Variants in ITCH observed in about 807,000 individuals in gnomAD.
The protein encoded by ITCH is E3 ubiquitin-protein ligase Itchy homolog.
A neutral mutation model predicts 126.8 loss-of-function variants in ITCH; 28 were observed. That is an observed-to-expected ratio of 0.22 (90% CI 0.16 to 0.30). The LOEUF (loss-of-function observed/expected upper bound fraction) is 0.30, where lower values mean the gene tolerates loss of function less well. Ranked by LOEUF, ITCH falls within the 10% of genes least tolerant of loss-of-function variation. The probability of loss-of-function intolerance (pLI) is 1.00; values close to 1 mark genes in which losing one functional copy is unlikely to be tolerated. For synonymous variants in ITCH, 342 were observed against 340.0 expected, an observed-to-expected ratio of 1.01 and a Z score of -0.06; for missense variants, 631 against 1,032.4, an observed-to-expected ratio of 0.61 and a Z score of 5.33.
intron 2 of ITCH, among the ~76,000 whole-genome samples, chr20:34,383,557 G>A (rs1315931529): frequency 6.6e-6 from 1 of 151,568 alleles, no homozygotes; most frequent in African/African-American, 2.4e-5. Context: ...GTAGAGACAG[G>A]GTTTCTCCAT....
chr20:34,486,665 T>TTTTATTTATTTA lies in ITCH; in HGVS notation c.2094-2590_2094-2579dup, dbSNP rs71194610. The stretch of plus-strand genomic sequence containing the variant: ...GTTGTGTTTTTCACTATTTTATTTA[T>TTTTATTTATTTA]TTTATTTATTTATTTATTTATTATG... On this transcript the variant is annotated intron_variant, in intron 20 of 24. Coordinates refer to ENST00000374864, the MANE Select transcript of ITCH (RefSeq NM_031483.7). Among the ~76,000 whole-genome samples the TTTTATTTATTTA allele has an allele frequency of 2.2e-3, 325 of 149,206 alleles. 2 individuals are homozygous for TTTTATTTATTTA. The highest frequency in any genetic ancestry group is 7.1e-3 in the African/African-American group (291 of 40,960).
chr20:34,370,663 CAAA>C (rs113103425), intron 2 of ITCH, among the ~76,000 whole-genome samples: 1 of 129,402 alleles, frequency 7.7e-6, no homozygotes. Flanking sequence ...GAGTCTGTCT[CAAA>C]AAAAAAAAAA....
intron 2 of ITCH, among the ~76,000 whole-genome samples, chr20:34,387,112 G>A (rs2038310875): frequency 6.6e-6 from 1 of 151,834 alleles, no homozygotes; most frequent in African/African-American, 2.4e-5. Flanking sequence ...AGACCAGCCT[G>A]GCCAACATGG....
chr20:34,474,626 T>C (rs1418149823), intron 16 of ITCH, among the ~76,000 whole-genome samples: 5 of 152,230 alleles, frequency 3.3e-5, no homozygotes. Flanking sequence ...CCCCGCTTTC[T>C]ATTCCACAAA....
chr20:34,370,232 C>G (rs2037569995), intron 2 of ITCH, among the ~76,000 whole-genome samples: 1 of 152,096 alleles, frequency 6.6e-6, no homozygotes, highest in South Asian at 2.1e-4. Flanking sequence ...GTTATTTAAT[C>G]TTGCCAGACC....
At chr20:34,465,171 A>G (rs983077200) in intron 14 of ITCH, among the ~76,000 whole-genome samples, 3 of 152,192 alleles carry the variant, frequency 2.0e-5, no homozygotes, top group African/African-American at 7.2e-5. Context: ...TCCCCATTGC[A>G]TGACTGTGGC....
At chr20:34,437,809 C>G (rs1568939884) in intron 7 of ITCH, among the ~76,000 whole-genome samples, 1 of 152,154 alleles carries the variant, frequency 6.6e-6, no homozygotes, top group Non-Finnish European at 1.5e-5. Context: ...CTATATTTAG[C>G]CAACAGTAGC....
intron 4 of ITCH, among the ~76,000 whole-genome samples, chr20:34,410,001 A>C (rs954732154): frequency 1.3e-5 from 2 of 151,642 alleles, no homozygotes; most frequent in African/African-American, 4.8e-5. Context: ...GTGAATTGCT[A>C]CTGAACTCTA....
At position 34,449,271 on chromosome 20, in the gene ITCH, C is replaced by G. The variant is rs191183916; in HGVS notation, c.1141-140C>G. ...CAAACCAAAGTATATTGGCATTTAT[C>G]CATAACCATGTGACACTTCTTTAAG... is the stretch of plus-strand genomic sequence containing the variant. On this transcript the variant is annotated intron_variant, in intron 11 of 24. Coordinates refer to ENST00000374864, the MANE Select transcript of ITCH (RefSeq NM_031483.7). 8.2e-5 allele frequency: 49 copies of G among 599,580 alleles called. No individual in the cohort carries two copies. The African/African-American group carries it at 8.7e-4, about 11-fold the overall frequency. 37.1% of individuals were successfully genotyped at this position (599,580 alleles called of 1,614,324 possible). A position where few individuals can be genotyped will look rare whatever the true frequency, so the allele number is the denominator to read the frequency against.
rs1274562930 is a variant in ITCH, at chr20:34,479,786, C to T, written c.1815C>T (p.Ala605=). 6.2e-7 allele frequency: 1 copy of T among 1,613,416 alleles called. No homozygotes were observed. Among genetic ancestry groups the T allele is most frequent in the East Asian group, 2.2e-5 (1 of 44,852 alleles). The part of the protein sequence containing the change: ...KYFRFIGRFI[A]MALFHGKFID... Reference sequence around the variant, plus strand: ...TTCGTTTTATTGGCAGATTTATTGCCATGGTAAGTGCAGGTCAAGAATTAT... The same window carrying T: ...TTCGTTTTATTGGCAGATTTATTGCTATGGTAAGTGCAGGTCAAGAATTAT... The change falls in exon 18 of 25, where the codon GCC becomes GCT. Residue 605 remains alanine, a synonymous_variant. Transcript: ENST00000374864.
At chr20:34,475,257 G>T (rs1988082505) in intron 16 of ITCH, among the ~76,000 whole-genome samples, 1 of 152,196 alleles carries the variant, frequency 6.6e-6, no homozygotes, top group Admixed American at 6.5e-5. Flanking sequence ...CGTGGTGGCG[G>T]CCGGGCAGAG....
At chr20:34,481,691 C>T (rs1381657015) in intron 20 of ITCH, among the ~76,000 whole-genome samples, 1 of 152,088 alleles carries the variant, frequency 6.6e-6, no homozygotes, top group Non-Finnish European at 1.5e-5. Flanking sequence ...AAAGAGAGAG[C>T]TTGTACAGGG....
intron 16 of ITCH, chr20:34,476,480 G>T: frequency 8.2e-7 from 1 of 1,212,632 alleles, no homozygotes. Context: ...GCCATCGCCC[G>T]CGGTCGGGAA....
At chr20:34,462,349 T>TA in intron 14 of ITCH, 128 bp downstream of exon 14, 1 of 941,534 alleles carries the variant, frequency 1.1e-6, no homozygotes, top group Non-Finnish European at 1.6e-6. Context: ...AGGTTTCTGT[T>TA]CATTAAGTAT....
chr20:34,474,786 C>CG (rs59820332), intron 16 of ITCH, among the ~76,000 whole-genome samples: 6 of 150,332 alleles, frequency 4.0e-5, no homozygotes, highest in East Asian at 2.0e-4. Context: ...GCTGGCCGGG[C>CG]GGGGGGGCTG....
rs541387831 is a variant in ITCH at position 34,482,242 on chromosome 20, C to T, written c.2093+1036C>T. On this transcript the variant is annotated intron_variant, in intron 20 of 24. Transcript: ENST00000374864. ...GCCCCTCCCAAATCTCATGTCTTCA[C>T]ATTTCAAAACCAATCATGCCTTCTC... is the stretch of plus-strand genomic sequence containing the variant. 3.4e-3 allele frequency among the ~76,000 whole-genome samples: 511 copies of T among 152,278 alleles called. 1 individual carries two copies. Among genetic ancestry groups the T allele is most frequent in the Non-Finnish European group, 5.3e-3 (360 of 68,026 alleles).
chr20:34,454,103 C>G (rs1985581183), intron 12 of ITCH, among the ~76,000 whole-genome samples: 1 of 151,800 alleles, frequency 6.6e-6, no homozygotes, highest in Admixed American at 6.6e-5. Context: ...GTTATGTTAA[C>G]AAGAGCAAGC....
At chr20:34,384,226 T>G (rs569540512) in intron 2 of ITCH, 1 of 141,994 alleles carries the variant, frequency 7.0e-6, no homozygotes, top group South Asian at 2.4e-4. Flanking sequence ...CTGGTTGTGA[T>G]CAGTTAGTTG....
At chr20:34,498,046 C>T (rs181923609) in intron 23 of ITCH, among the ~76,000 whole-genome samples, 13 of 152,214 alleles carry the variant, frequency 8.5e-5, no homozygotes, top group Admixed American at 2.0e-4. Context: ...CTGTAGAGAT[C>T]GTTCACCTCC....
Sources: allele counts gnomAD v4.1 joint callset (sites outside exome capture counted in the v4.1 genomes callset), GRCh38; gene constraint gnomAD v4.1.1; transcripts MANE v1.5; gene names NCBI Gene and HGNC (gene_info 2026-07-23, HGNC 2026-07-21).